The following MAGI2 variants were observed in gnomAD, a reference collection of about 807,000 sequenced individuals.
MAGI2 encodes the protein membrane-associated guanylate kinase, WW and PDZ domain-containing protein 2.
Under a neutral mutation model 133.3 loss-of-function variants are expected in MAGI2, and 35 were observed. The ratio of observed to expected loss-of-function variants is 0.26; its 90% CI spans 0.20 to 0.35. The LOEUF is 0.35. Among genes scored for constraint, MAGI2 ranks in the 10% least tolerant of loss-of-function variants. The pLI is 1.00. For missense variants in MAGI2, 1,636 were observed against 1,863.4 expected (o/e 0.88, Z 2.25); for synonymous variants, 729 against 710.6 (o/e 1.03, Z -0.41).
chr7:78,119,124 TA>T (rs1282198564), intron 20 of MAGI2, among the ~76,000 whole-genome samples: 1 of 152,080 alleles, frequency 6.6e-6, no homozygotes, highest in Non-Finnish European at 1.5e-5. Context: ...CTGCAGTCAG[TA>T]AAAAGATCAG....
At chr7:78,890,140 A>G (rs561879709) in intron 2 of MAGI2, among the ~76,000 whole-genome samples, 2 of 152,364 alleles carry the variant, frequency 1.3e-5, no homozygotes, top group African/African-American at 4.8e-5. Context: ...AGGCCATTAC[A>G]TAATGGTAAA....
chr7:78,467,996 C>T lies in MAGI2; in HGVS notation c.1045+21765G>A, dbSNP rs542658099. 5.9e-5 allele frequency among the ~76,000 whole-genome samples: 9 copies of T among 152,076 alleles called. No individual in the cohort carries two copies. The East Asian group carries it at 1.7e-3, about 29-fold the overall frequency. ...AGAAATATTCTGGGTAGCAGAGGGA[C>T]AGAAGTGGAGGGAAAAGTTTTCACT... On this transcript the variant is annotated intron_variant, in intron 6 of 21. Transcript: ENST00000354212.
At chr7:78,324,928 T>G (rs1357719552) in intron 9 of MAGI2, among the ~76,000 whole-genome samples, 1 of 152,154 alleles carries the variant, frequency 6.6e-6, no homozygotes, top group African/African-American at 2.4e-5. Context: ...ATCGCGCCAT[T>G]GTACTCCAGC....
chr7:78,792,506 T>C (rs919483944), intron 2 of MAGI2, among the ~76,000 whole-genome samples: 7 of 152,182 alleles, frequency 4.6e-5, no homozygotes, highest in Middle Eastern at 3.2e-3. Context: ...AAGCCGATCA[T>C]GGTTACAGAG....
chr7:79,264,289 A>G (rs1418704585), intron 1 of MAGI2, among the ~76,000 whole-genome samples: 2 of 152,188 alleles, frequency 1.3e-5, no homozygotes. Flanking sequence ...TTTTGGTTAT[A>G]GACGAACTAT....
chr7:78,150,217 A>C (rs1371523799), intron 16 of MAGI2, among the ~76,000 whole-genome samples: 3 of 152,142 alleles, frequency 2.0e-5, no homozygotes, highest in Non-Finnish European at 4.4e-5. Flanking sequence ...TCCCAGGCCA[A>C]ATGGGAAAAA....
intron 7 of MAGI2, among the ~76,000 whole-genome samples, chr7:78,366,026 T>C (rs543570745): frequency 3.9e-5 from 6 of 152,196 alleles, no homozygotes; most frequent in Middle Eastern, 3.2e-3. Context: ...GTAAGCTTTT[T>C]TTGCTACTGG....
intron 3 of MAGI2, among the ~76,000 whole-genome samples, chr7:78,604,756 T>C (rs1430309092): frequency 6.6e-6 from 1 of 152,240 alleles, no homozygotes; most frequent in Non-Finnish European, 1.5e-5. Context: ...AATATATTGT[T>C]GCTAATACCA....
At chr7:78,759,912 G>A (rs114743325) in intron 2 of MAGI2, among the ~76,000 whole-genome samples, 2,243 of 152,144 alleles carry the variant, frequency 0.015, 59 homozygotes, top group African/African-American at 0.05. Flanking sequence ...CGGATCATGA[G>A]GTCAGCACTT....
intron 20 of MAGI2, among the ~76,000 whole-genome samples, chr7:78,103,977 A>G (rs569729979): frequency 9.2e-5 from 14 of 152,304 alleles, no homozygotes; most frequent in African/African-American, 2.9e-4. Context: ...ATACCTCTCC[A>G]TGATTTGTGA....
intron 2 of MAGI2, among the ~76,000 whole-genome samples, chr7:78,883,479 A>G (rs1057053232): frequency 1.3e-5 from 2 of 152,194 alleles, no homozygotes; most frequent in East Asian, 1.9e-4. Flanking sequence ...TATTCCTTTC[A>G]AACTACCAAT....
intron 2 of MAGI2, among the ~76,000 whole-genome samples, chr7:78,856,025 T>G (rs1793607351): frequency 6.6e-6 from 1 of 152,248 alleles, no homozygotes; most frequent in African/African-American, 2.4e-5. Flanking sequence ...TTTTTTCATG[T>G]GTCTGTTGGC....
At chr7:78,968,154 G>C (rs1346199189) in intron 2 of MAGI2, among the ~76,000 whole-genome samples, 1 of 152,012 alleles carries the variant, frequency 6.6e-6, no homozygotes, top group Non-Finnish European at 1.5e-5. Flanking sequence ...AACTACCATA[G>C]CTTTGTAATG....
intron 2 of MAGI2, among the ~76,000 whole-genome samples, chr7:78,806,474 G>C (rs943866249): frequency 3.3e-5 from 5 of 152,066 alleles, no homozygotes; most frequent in African/African-American, 1.2e-4. Context: ...TAGACCCAAA[G>C]ATCTTTTAAC....
intron 2 of MAGI2, among the ~76,000 whole-genome samples, chr7:78,734,067 C>G (rs139804890): frequency 6.6e-6 from 1 of 151,986 alleles, no homozygotes; most frequent in Non-Finnish European, 1.5e-5. Context: ...CATCTAAGAA[C>G]GACAATAGAT....
At chr7:78,258,034 C>T (rs904441902) in intron 9 of MAGI2, among the ~76,000 whole-genome samples, 3 of 152,188 alleles carry the variant, frequency 2.0e-5, no homozygotes, top group African/African-American at 4.8e-5. Context: ...TCTTAATTAA[C>T]AGTCCCTCTT....
At chr7:78,269,636 T>C (rs1429022101) in intron 9 of MAGI2, among the ~76,000 whole-genome samples, 2 of 152,164 alleles carry the variant, frequency 1.3e-5, no homozygotes, top group African/African-American at 4.8e-5. Flanking sequence ...GGTTGTTTGA[T>C]TTTTCTTACA....
At chr7:79,097,332 A>C (rs191764470) in intron 1 of MAGI2, among the ~76,000 whole-genome samples, 2 of 152,322 alleles carry the variant, frequency 1.3e-5, no homozygotes, top group East Asian at 3.9e-4. Flanking sequence ...ATATCATTGA[A>C]ATTTGTACAA....
At chr7:79,058,078 A>G (rs934246973) in intron 1 of MAGI2, among the ~76,000 whole-genome samples, 3 of 151,986 alleles carry the variant, frequency 2.0e-5, no homozygotes, top group Non-Finnish European at 1.5e-5. Context: ...AACAAATGAT[A>G]GAAACAGAGG....
Sources: gnomAD v4.1 joint callset for allele counts (sites outside exome capture counted in the v4.1 genomes callset) on GRCh38, gnomAD v4.1.1 for gene constraint, MANE v1.5 for transcripts, NCBI Gene and HGNC (gene_info 2026-07-23, HGNC 2026-07-21) for gene names.